The following HOGA1 variants were observed in gnomAD, a reference collection of about 807,000 sequenced individuals.
HOGA1 encodes the protein 4-hydroxy-2-oxoglutarate aldolase, mitochondrial.
A neutral mutation model predicts 34.3 loss-of-function variants in HOGA1; 30 were observed. The ratio of observed to expected loss-of-function variants is 0.87; its 90% confidence interval spans 0.65 to 1.19. The LOEUF is 1.19. Among genes scored for constraint, HOGA1 ranks in the 50% most tolerant of loss-of-function variants. The probability of loss-of-function intolerance (pLI) is 0.00; values close to 1 mark genes in which losing one functional copy is unlikely to be tolerated. For missense variants in HOGA1, 417 were observed against 436.5 expected, an observed-to-expected ratio of 0.96 and a Z score of 0.40; for synonymous variants, 161 against 174.0, an observed-to-expected ratio of 0.93 and a Z score of 0.59.
intron 1 of HOGA1, among the ~76,000 whole-genome samples, chr10:97,594,331 A>G (rs113287320): frequency 0.031 from 4,761 of 151,586 alleles, 240 homozygotes; most frequent in African/African-American, 0.11. Flanking sequence ...GCGCGCCTCC[A>G]TGCTTGGCTA....
At chr10:97,600,043 C>T in intron 4 of HOGA1, 24 bp from the exon 5 acceptor site, 1 of 1,609,490 alleles carries the variant, frequency 6.2e-7, no homozygotes, top group South Asian at 1.1e-5. Context: ...GGGCACAGCT[C>T]TCACACCACA....
intron 3 of HOGA1, chr10:97,599,417 T>G: frequency 1.4e-6 from 1 of 720,526 alleles, no homozygotes. Flanking sequence ...GGAGGAATGA[T>G]GTCATCTGTC....
chr10:97,590,892 G>A, intron 1 of HOGA1: 1 of 379,464 alleles, frequency 2.6e-6, no homozygotes, highest in South Asian at 4.7e-5. Context: ...CCACACTGAT[G>A]TCATTGCCTG....
At chr10:97,607,801 A>G (rs1449226721) in intron 6 of HOGA1, among the ~76,000 whole-genome samples, 1 of 152,148 alleles carries the variant, frequency 6.6e-6, no homozygotes, top group Non-Finnish European at 1.5e-5. Flanking sequence ...TATTTTTCTA[A>G]ATGGTGATTT....
chr10:97,584,688 C>T lies in HOGA1; in HGVS notation c.-16C>T. The T allele has an allele frequency of 6.2e-7, 1 of 1,601,566 alleles. No individual in the cohort carries two copies. Among genetic ancestry groups the T allele is most frequent in the Non-Finnish European group, 8.5e-7 (1 of 1,171,680 alleles). ...TCTGGGACATAGACCAATTGTGCTT[C>T]AGGCCTCCTGCAGAGATGCTGGGTC... On this transcript the variant is annotated 5_prime_UTR_variant, in exon 1 of 7. Transcript: ENST00000370646.
At chr10:97,594,720 G>T (rs976463687) in intron 1 of HOGA1, among the ~76,000 whole-genome samples, 2 of 151,908 alleles carry the variant, frequency 1.3e-5, no homozygotes, top group African/African-American at 4.8e-5. Context: ...CGAACTCCTG[G>T]CCTCAAATAG....
chr10:97,593,029 C>CAAAAAAAAAAAAAAA lies in HOGA1; in HGVS notation c.212-5738_212-5724dup, dbSNP rs1169191059. On this transcript the variant is annotated intron_variant, in intron 1 of 6. Transcript: ENST00000370646. ...TGGGCGACAGAGTGAGACTCTGTCT[C>CAAAAAAAAAAAAAAA]AAAAAAAAAAAAAAAAAAAAAAGAG... Among the ~76,000 whole-genome samples, 196 of 47,764 alleles carry CAAAAAAAAAAAAAAA rather than the reference C, an allele frequency of 4.1e-3. 4 individuals carry two copies. Among genetic ancestry groups the CAAAAAAAAAAAAAAA allele is most frequent in the Non-Finnish European group, 5.4e-3 (135 of 24,964 alleles). The allele number at this position is 47,764 out of a possible 152,430, so 31.3% of individuals were successfully genotyped here.
At chr10:97,606,052 A>G (rs926080563) in intron 6 of HOGA1, among the ~76,000 whole-genome samples, 7 of 142,060 alleles carry the variant, frequency 4.9e-5, no homozygotes, top group African/African-American at 1.1e-4. Flanking sequence ...TGGGAGGCCG[A>G]GGTGGGTGGA....
intron 1 of HOGA1, among the ~76,000 whole-genome samples, chr10:97,597,528 A>G (rs905261468): frequency 2.0e-5 from 3 of 152,200 alleles, no homozygotes; most frequent in African/African-American, 7.2e-5. Flanking sequence ...ATTGATAAAA[A>G]CAGGAAAACG....
At position 97,606,689 on chromosome 10, in the gene HOGA1, C is replaced by T. The variant is rs192745431; in HGVS notation, c.834+4699C>T. Among the ~76,000 whole-genome samples, 379 of 152,310 alleles carry T rather than the reference C, an allele frequency of 2.5e-3. 2 individuals carry two copies. Among genetic ancestry groups the T allele is most frequent in the African/African-American group, 8.8e-3 (365 of 41,572 alleles). Reference sequence around the variant, plus strand: ...AAATCAGGTAGACTGATTCCTCCCACTTTGTTCTTTTTTTATTCCTTCAAA... The same window carrying T: ...AAATCAGGTAGACTGATTCCTCCCATTTTGTTCTTTTTTTATTCCTTCAAA... On this transcript the variant is annotated intron_variant, in intron 6 of 6. Transcript: ENST00000370646.
Position 97,608,222 on chromosome 10 carries a change from G to A in HOGA1, c.835-3288G>A, listed in dbSNP as rs181662703. On this transcript the variant is annotated intron_variant, in intron 6 of 6. Coordinates refer to ENST00000370646, the MANE Select transcript of HOGA1 (RefSeq NM_138413.4). ...AGCTACTCAGAGGCTGAGGCAGGGA[G>A]ATTGCTTGAGCCCGTGAGGTCGAGG... 5.5e-3 allele frequency among the ~76,000 whole-genome samples: 840 copies of A among 152,276 alleles called. 2 individuals carry two copies. The highest frequency in any genetic ancestry group is 7.1e-3 in the Non-Finnish European group (482 of 68,016).
intron 1 of HOGA1, among the ~76,000 whole-genome samples, chr10:97,586,555 T>C (rs2040973005): frequency 6.6e-6 from 1 of 152,232 alleles, no homozygotes; most frequent in Non-Finnish European, 1.5e-5. Flanking sequence ...GGTGAGGTCC[T>C]GGTTCTCTTG....
Position 97,584,520 on chromosome 10 carries a change from G to T in HOGA1, c.-184G>T, listed in dbSNP as rs1427206531. 9.9e-6 allele frequency: 6 copies of T among 604,522 alleles called. No individual in the cohort carries two copies. Among genetic ancestry groups the T allele is most frequent in the Admixed American group, 2.9e-5 (1 of 34,342 alleles). The allele number at this position is 604,522 out of a possible 1,614,324, so 37.4% of individuals were successfully genotyped here. Reference sequence around the variant, plus strand: ...CTACCCAGAAGGAACAGGGCCCCCTGGGGCCTATAGGCCTTGCCCCTGACC... The same window carrying T: ...CTACCCAGAAGGAACAGGGCCCCCTTGGGCCTATAGGCCTTGCCCCTGACC... On this transcript the variant is annotated 5_prime_UTR_variant, in exon 1 of 7. Transcript: ENST00000370646.
intron 1 of HOGA1, chr10:97,590,783 C>T (rs948601324): frequency 1.5e-5 from 9 of 614,496 alleles, no homozygotes; most frequent in Non-Finnish European, 2.6e-5. Context: ...AAGATGGCCC[C>T]TGTTGGAGGG....
intron 6 of HOGA1, chr10:97,602,316 G>C: frequency 4.8e-6 from 6 of 1,259,458 alleles, no homozygotes; most frequent in Non-Finnish European, 3.0e-6. Flanking sequence ...ACCACACTTA[G>C]AGATGCCTGG....
chr10:97,584,967 C>A, intron 1 of HOGA1, 53 bp downstream of exon 1: 1 of 1,487,998 alleles, frequency 6.7e-7, no homozygotes, highest in Non-Finnish European at 9.4e-7. Flanking sequence ...GGCCCTTTAG[C>A]CAGAGACCAA....
At chr10:97,595,541 C>T (rs2041062570) in intron 1 of HOGA1, among the ~76,000 whole-genome samples, 1 of 152,086 alleles carries the variant, frequency 6.6e-6, no homozygotes, top group Non-Finnish European at 1.5e-5. Flanking sequence ...ACTAAAAATA[C>T]AAAAATTAGC....
intron 1 of HOGA1, among the ~76,000 whole-genome samples, chr10:97,592,602 G>C (rs1365923659): frequency 6.6e-6 from 1 of 151,742 alleles, no homozygotes; most frequent in Non-Finnish European, 1.5e-5. Flanking sequence ...AATATTTCAA[G>C]TTAAAAAAAA....
In HOGA1 at chr10:97,598,847, G is replaced by A. The variant is rs754634699; in HGVS notation, c.284G>A (p.Arg95His). The A allele has an allele frequency of 4.6e-5, 75 of 1,614,054 alleles. 1 individual carries two copies. Among genetic ancestry groups the A allele is most frequent in the Admixed American group, 4.5e-4 (27 of 59,998 alleles). Residue 95 changes from arginine to histidine, a missense_variant, in exon 2 of 7, where the codon CGT becomes CAT. Transcript: ENST00000370646. ...TSSERLEVVS[R>H]VRQAMPKNRL... ...AGTGAGCGCCTCGAGGTGGTGAGCC[G>A]TGTGCGCCAGGCCATGCCCAAGAAC... is the stretch of plus-strand genomic sequence containing the variant.
Sources: gnomAD v4.1 joint callset for allele counts (sites outside exome capture counted in the v4.1 genomes callset) on GRCh38, gnomAD v4.1.1 for gene constraint, MANE v1.5 for transcripts, NCBI Gene and HGNC (gene_info 2026-07-23, HGNC 2026-07-21) for gene names.